KCTD8: variants seen among roughly 807,000 people sequenced by gnomAD.
KCTD8 encodes BTB/POZ domain-containing protein KCTD8.
A neutral mutation model predicts 31.5 loss-of-function variants in KCTD8; 27 were observed. The observed-to-expected ratio is 0.86, with a 90% CI of 0.63 to 1.18. The LOEUF is 1.18. KCTD8 is among the 50% of genes most tolerant of loss of function. The pLI is 0.00. For synonymous variants in KCTD8, 290 were observed against 280.0 expected, an observed-to-expected ratio of 1.04 and a Z score of -0.36; for missense variants, 658 against 647.7, an observed-to-expected ratio of 1.02 and a Z score of -0.17.
intron 1 of KCTD8, 151 bp downstream of exon 1, chr4:44,447,412 A>T: frequency 1.8e-5 from 23 of 1,261,114 alleles, no homozygotes; most frequent in Non-Finnish European, 2.4e-5. Flanking sequence ...TGTCTACTGC[A>T]TAAGGGAATC....
At chr4:44,259,322 C>T (rs1716095005) in intron 1 of KCTD8, among the ~76,000 whole-genome samples, 1 of 151,802 alleles carries the variant, frequency 6.6e-6, no homozygotes, top group South Asian at 2.1e-4. Context: ...ATTTATCCTT[C>T]AAATATAATC....
intron 1 of KCTD8, among the ~76,000 whole-genome samples, chr4:44,345,737 T>C (rs1382652109): frequency 6.6e-6 from 1 of 152,178 alleles, no homozygotes; most frequent in African/African-American, 2.4e-5. Flanking sequence ...TTTGCTTGCT[T>C]GTTTGTTTGG....
chr4:44,371,751 G>A (rs1396411498), intron 1 of KCTD8, among the ~76,000 whole-genome samples: 2 of 152,118 alleles, frequency 1.3e-5, no homozygotes, highest in Non-Finnish European at 2.9e-5. Context: ...TATCTACATT[G>A]TAAAATAGAT....
chr4:44,373,284 C>G (rs767231781), intron 1 of KCTD8, among the ~76,000 whole-genome samples: 91 of 151,950 alleles, frequency 6.0e-4, no homozygotes, highest in Non-Finnish European at 1.1e-3. Context: ...TCACTTGAAC[C>G]TGGGAGGCAG....
At chr4:44,256,201 G>A (rs561489579) in intron 1 of KCTD8, among the ~76,000 whole-genome samples, 1 of 152,002 alleles carries the variant, frequency 6.6e-6, no homozygotes, top group African/African-American at 2.4e-5. Flanking sequence ...TGAGAATTAT[G>A]AGAGCTACAA....
rs200064879 is a variant in KCTD8 at position 44,362,410 on chromosome 4, T to C, written c.961+85153A>G. On this transcript the variant is annotated intron_variant, in intron 1 of 1. Coordinates refer to ENST00000360029, the MANE Select transcript of KCTD8 (RefSeq NM_198353.3). ...TGTCTTTACTATAAAATGAAGCATG[T>C]GTTTAAAAATCACAAAGATAGTAAG... 3.3e-5 allele frequency among the ~76,000 whole-genome samples: 5 copies of C among 152,156 alleles called. No individual in the cohort carries two copies. In the East Asian group the frequency reaches 9.6e-4, roughly 29 times the overall value.
At chr4:44,200,890 G>A (rs1714126181) in intron 1 of KCTD8, among the ~76,000 whole-genome samples, 1 of 148,258 alleles carries the variant, frequency 6.7e-6, no homozygotes, top group Non-Finnish European at 1.5e-5. Context: ...CTGATGATAT[G>A]ATCTATACAG....
chr4:44,301,935 T>C (rs2109392982), intron 1 of KCTD8, among the ~76,000 whole-genome samples: 1 of 152,330 alleles, frequency 6.6e-6, no homozygotes, highest in African/African-American at 2.4e-5. Context: ...TTTCTACATA[T>C]GGCTAGCCAG....
intron 1 of KCTD8, among the ~76,000 whole-genome samples, chr4:44,340,271 C>T (rs1718861029): frequency 6.6e-6 from 1 of 151,438 alleles, no homozygotes; most frequent in Admixed American, 6.6e-5. Flanking sequence ...ATTTATAATA[C>T]ATAAAAGTTG....
intron 1 of KCTD8, among the ~76,000 whole-genome samples, chr4:44,207,847 T>C (rs1714361994): frequency 6.6e-6 from 1 of 152,184 alleles, no homozygotes; most frequent in South Asian, 2.1e-4. Context: ...TGCTGGAAGA[T>C]GAAATTGCTT....
At chr4:44,244,392 G>C (rs1325877832) in intron 1 of KCTD8, among the ~76,000 whole-genome samples, 1 of 152,096 alleles carries the variant, frequency 6.6e-6, no homozygotes, top group East Asian at 1.9e-4. Context: ...TTGAACTAGA[G>C]GACATTGGAA....
At chr4:44,273,727 T>C (rs1033561012) in intron 1 of KCTD8, among the ~76,000 whole-genome samples, 1 of 151,978 alleles carries the variant, frequency 6.6e-6, no homozygotes, top group African/African-American at 2.4e-5. Flanking sequence ...AAAACACATG[T>C]GACAGGGCAA....
chr4:44,384,263 C>CA (rs931533805), intron 1 of KCTD8, among the ~76,000 whole-genome samples: 2 of 151,776 alleles, frequency 1.3e-5, no homozygotes, highest in Non-Finnish European at 2.9e-5. Flanking sequence ...GGAAGTTCCT[C>CA]AAAAAACCAC....
chr4:44,179,608 A>C (rs1713319238), intron 1 of KCTD8, among the ~76,000 whole-genome samples: 1 of 151,300 alleles, frequency 6.6e-6, no homozygotes, highest in South Asian at 2.1e-4. Context: ...AATCAGACCA[A>C]ACAGATTCGG....
At chr4:44,414,054 G>C (rs1379044622) in intron 1 of KCTD8, among the ~76,000 whole-genome samples, 1 of 152,142 alleles carries the variant, frequency 6.6e-6, no homozygotes, top group Non-Finnish European at 1.5e-5. Flanking sequence ...CTGACACCTA[G>C]ATTTTAGCCC....
intron 1 of KCTD8, among the ~76,000 whole-genome samples, chr4:44,278,711 G>A (rs1413083267): frequency 6.6e-6 from 1 of 151,938 alleles, no homozygotes; most frequent in Non-Finnish European, 1.5e-5. Context: ...GAAATGATGA[G>A]AGTATCAATG....
chr4:44,306,198 G>A (rs1204329063), intron 1 of KCTD8, among the ~76,000 whole-genome samples: 1 of 151,858 alleles, frequency 6.6e-6, no homozygotes, highest in Non-Finnish European at 1.5e-5. Flanking sequence ...AATAGAAAAT[G>A]AAGACAAAAA....
At chr4:44,405,375 A>G (rs967807219) in intron 1 of KCTD8, among the ~76,000 whole-genome samples, 4 of 152,104 alleles carry the variant, frequency 2.6e-5, no homozygotes, top group African/African-American at 9.7e-5. Context: ...CTCCTGCCTC[A>G]GCCTCCTAAG....
chr4:44,284,046 T>G (rs1312407816), intron 1 of KCTD8, among the ~76,000 whole-genome samples: 1 of 152,144 alleles, frequency 6.6e-6, no homozygotes, highest in South Asian at 2.1e-4. Context: ...AAAATGACCT[T>G]ACTGCCCAAA....
Sources: gnomAD v4.1 joint callset for allele counts (sites outside exome capture counted in the v4.1 genomes callset) on GRCh38, gnomAD v4.1.1 for gene constraint, MANE v1.5 for transcripts, NCBI Gene and HGNC (gene_info 2026-07-23, HGNC 2026-07-21) for gene names.